WDSUB1: variants seen among roughly 807,000 people sequenced by gnomAD.
The protein encoded by WDSUB1 is WD repeat, sterile alpha motif and U-box domain containing 1.
WDSUB1 carries 49 observed loss-of-function variants against 53.9 expected under a neutral mutation model. The observed-to-expected ratio is 0.91, with a 90% confidence interval of 0.72 to 1.15. The LOEUF is 1.15. Ranked by LOEUF, WDSUB1 falls within the 50% of genes most tolerant of loss-of-function variation. WDSUB1 has a pLI of 0.00. For missense variants in WDSUB1, 514 were observed against 562.0 expected (o/e 0.91, Z 0.86); for synonymous variants, 194 against 200.6 (o/e 0.97, Z 0.28).
chr2:159,244,821 T>TTGGCAGG (rs1262411551), intron 10 of WDSUB1, among the ~76,000 whole-genome samples: 1 of 152,120 alleles, frequency 6.6e-6, no homozygotes. Flanking sequence ...TTCCAGCTAC[T>TTGGCAGG]TGGCAGGCTG....
intron 10 of WDSUB1, among the ~76,000 whole-genome samples, chr2:159,237,377 T>C (rs1438360461): frequency 6.6e-6 from 1 of 152,044 alleles, no homozygotes; most frequent in Non-Finnish European, 1.5e-5. Flanking sequence ...ACAAATTAGC[T>C]GGGCATGGTG....
chr2:159,242,676 T>A (rs1209294328), intron 10 of WDSUB1, among the ~76,000 whole-genome samples: 7 of 147,770 alleles, frequency 4.7e-5, no homozygotes, highest in African/African-American at 7.9e-5. Flanking sequence ...AAAGTATGCA[T>A]CATAACTCAT....
chr2:159,251,617 C>G (rs2060953160), intron 9 of WDSUB1, among the ~76,000 whole-genome samples: 2 of 152,122 alleles, frequency 1.3e-5, no homozygotes, highest in South Asian at 4.2e-4. Flanking sequence ...GGACCCTTAC[C>G]AGCTAAGGGC....
chr2:159,276,524 T>C (rs2061545016), intron 3 of WDSUB1, among the ~76,000 whole-genome samples: 1 of 152,208 alleles, frequency 6.6e-6, no homozygotes, highest in East Asian at 1.9e-4. Context: ...TTAGGGAAAG[T>C]AATCAGTTAT....
chr2:159,263,684 G>A lies in WDSUB1; in HGVS notation c.771-3841C>T, dbSNP rs1032352456. ...AGGAGGATGCTATGAAACATAAACC[G>A]AGTCCTCAACAACTCTTCCTGAATG... On this transcript the variant is annotated intron_variant, in intron 5 of 10. Coordinates refer to ENST00000359774, the MANE Select transcript of WDSUB1 (RefSeq NM_001128212.3). Among the ~76,000 whole-genome samples the A allele has an allele frequency of 1.2e-4, 19 of 152,272 alleles. No individual in the cohort carries two copies. In the East Asian group the frequency reaches 2.5e-3, roughly 20 times the overall value.
intron 3 of WDSUB1, among the ~76,000 whole-genome samples, chr2:159,278,941 T>C (rs2061597051): frequency 6.6e-6 from 1 of 152,192 alleles, no homozygotes; most frequent in Non-Finnish European, 1.5e-5. Flanking sequence ...CTAGTCCAAA[T>C]TGAAATGTAC....
Position 159,263,855 on chromosome 2 carries a change from A to AAT in WDSUB1, c.771-4014_771-4013dup, listed in dbSNP as rs540627621. On this transcript the variant is annotated intron_variant, in intron 5 of 10. Transcript: ENST00000359774. The stretch of plus-strand genomic sequence containing the variant: ...ATATCTATTATTTTATGTACTATTT[A>AAT]ATATATATGTATTGAGCAGTGATGT... Among the ~76,000 whole-genome samples, 5 of 152,046 alleles carry AAT rather than the reference A, an allele frequency of 3.3e-5. 1 individual carries two copies. Among genetic ancestry groups the AAT allele is most frequent in the Admixed American group, 3.3e-4 (5 of 15,228 alleles).
intron 2 of WDSUB1, among the ~76,000 whole-genome samples, chr2:159,281,110 A>G (rs12620288): frequency 0.42 from 64,306 of 152,162 alleles, 14,870 homozygotes; most frequent in Non-Finnish European, 0.54. Context: ...TTGACCAACT[A>G]GCATTTGTGC....
chr2:159,264,652 TTC>T (rs1415886085), intron 5 of WDSUB1, among the ~76,000 whole-genome samples: 3 of 152,190 alleles, frequency 2.0e-5, no homozygotes, highest in East Asian at 3.9e-4. Flanking sequence ...CTTCTGGATT[TTC>T]TCTTTTTTCT....
Position 159,259,839 on chromosome 2 carries a change from C to G in WDSUB1, c.775G>C (p.Val259Leu). 6.6e-7 allele frequency: 1 copy of G among 1,524,928 alleles called. No individual in the cohort carries two copies. The highest frequency in any genetic ancestry group is 8.9e-7 in the Non-Finnish European group (1 of 1,120,302). The allele number at this position is 1,524,928 out of a possible 1,614,324, so 94.5% of individuals were successfully genotyped here. Residue 259 changes from valine (V) to leucine (L), a missense_variant, in exon 6 of 11, where the codon GTG (valine) becomes CTG (leucine). Coordinates refer to ENST00000359774, the MANE Select transcript of WDSUB1 (RefSeq NM_001128212.3). ...HDGQMLVSGS[V>L]DKSVIVYDTN... The stretch of plus-strand genomic sequence containing the variant: ...TCATATACTATGACAGACTTATCCA[C>G]TGACCTTAAAAGAAAATAAATTATA...
chr2:159,242,279 G>A lies in WDSUB1; in HGVS notation c.1274-6089C>T, dbSNP rs549087859. Among the ~76,000 whole-genome samples, 29 of 145,730 alleles carry A rather than the reference G, an allele frequency of 2.0e-4. 2 individuals are homozygous for A. In the South Asian group the frequency reaches 5.2e-3, roughly 26 times the overall value. On this transcript the variant is annotated intron_variant, in intron 10 of 10. Transcript: ENST00000359774. ...TTACCGTGTTAGCCAGGATGGTCTC[G>A]CTCTCCTGACCTCATGATCTGCCCA... is the stretch of plus-strand genomic sequence containing the variant.
chr2:159,259,293 G>A (rs771255301), intron 6 of WDSUB1, among the ~76,000 whole-genome samples: 7 of 152,280 alleles, frequency 4.6e-5, no homozygotes, highest in Admixed American at 3.9e-4. Flanking sequence ...CTGACATGCT[G>A]GGATTACAGG....
chr2:159,282,114 GA>G, intron 2 of WDSUB1, among the ~76,000 whole-genome samples: 1 of 151,532 alleles, frequency 6.6e-6, no homozygotes. Context: ...TTAATTTTAA[GA>G]TTGGCGCTAA....
At chr2:159,280,135 G>T (rs542671945) in intron 2 of WDSUB1, among the ~76,000 whole-genome samples, 190 bp from the exon 3 acceptor site, 2 of 152,158 alleles carry the variant, frequency 1.3e-5, no homozygotes, top group South Asian at 4.1e-4. Context: ...CTGTCTAAAA[G>T]CAAGGGAGGA....
chr2:159,269,726 T>C (rs1046047870), intron 5 of WDSUB1, among the ~76,000 whole-genome samples: 1 of 152,194 alleles, frequency 6.6e-6, no homozygotes, highest in African/African-American at 2.4e-5. Flanking sequence ...CATTTAAAAA[T>C]CTTGTAATTC....
At position 159,282,654 on chromosome 2, in the gene WDSUB1, G is replaced by T. The variant is rs769216716; in HGVS notation, c.398+18C>A. On this transcript the variant is annotated intron_variant, in intron 2 of 10. Coordinates refer to ENST00000359774, the MANE Select transcript of WDSUB1 (RefSeq NM_001128212.3). ...CTAGTCAACAGGATTAAAACAGGAA[G>T]GATTTAAATATCCATACCTATATAA... is the stretch of plus-strand genomic sequence containing the variant. 1 of 1,589,748 alleles carries T rather than the reference G, an allele frequency of 6.3e-7. No individual in the cohort carries two copies.
chr2:159,268,003 G>C (rs1050701736), intron 5 of WDSUB1, among the ~76,000 whole-genome samples: 2 of 152,154 alleles, frequency 1.3e-5, no homozygotes, highest in South Asian at 4.1e-4. Context: ...CATTTATCCA[G>C]AATGATTGGG....
chr2:159,246,228 C>T (rs529658722), intron 10 of WDSUB1, among the ~76,000 whole-genome samples: 5 of 152,104 alleles, frequency 3.3e-5, no homozygotes, highest in African/African-American at 9.6e-5. Context: ...GTCAGGAGAT[C>T]GAGACCATCC....
rs1458720121 is a variant in WDSUB1, at chr2:159,261,894, A to T, written c.771-2051T>A. On this transcript the variant is annotated intron_variant, in intron 5 of 10. Transcript: ENST00000359774. ...TATATATATATATATATATATATAT[A>T]TATTTTTTTTTTTTTTTTTTTTTTT... Among the ~76,000 whole-genome samples, 37 of 13,312 alleles carry T rather than the reference A, an allele frequency of 2.8e-3. 3 individuals are homozygous for T. The highest frequency in any genetic ancestry group is 0.011 in the South Asian group (2 of 178). The allele number at this position is 13,312 out of a possible 152,430, so 8.7% of individuals were successfully genotyped here. A position where few individuals can be genotyped will look rare whatever the true frequency, so the allele number is the denominator to read the frequency against.
Sources: allele counts gnomAD v4.1 joint callset (sites outside exome capture counted in the v4.1 genomes callset), GRCh38; gene constraint gnomAD v4.1.1; transcripts MANE v1.5; gene names NCBI Gene and HGNC (gene_info 2026-07-23, HGNC 2026-07-21).